The following KCNG2 variants were observed in gnomAD, a reference collection of about 807,000 sequenced individuals.
KCNG2 encodes the protein potassium voltage-gated channel modifier subfamily G member 2, also known as voltage-gated potassium channel regulatory subunit KCNG2.
Under a neutral mutation model 12.3 loss-of-function variants are expected in KCNG2, and 7 were observed. That is an observed-to-expected ratio of 0.57 (90% CI 0.32 to 1.07). The LOEUF (loss-of-function observed/expected upper bound fraction) is 1.07. Among genes scored for constraint, KCNG2 ranks in the 50% least tolerant of loss-of-function variants. The pLI, the probability that KCNG2 is intolerant of heterozygous loss-of-function variation, is 0.04. For missense variants in KCNG2, 703 were observed against 726.0 expected, an observed-to-expected ratio of 0.97 and a Z score of 0.36; for synonymous variants, 414 against 351.4, an observed-to-expected ratio of 1.18 and a Z score of -1.99.
At chr18:79,806,766 G>A (rs1280740770) in intron 1 of KCNG2, among the ~76,000 whole-genome samples, 1 of 152,070 alleles carries the variant, frequency 6.6e-6, no homozygotes, top group African/African-American at 2.4e-5. Flanking sequence ...TAATGGTGAC[G>A]CTTTCTCAAA....
At chr18:79,818,101 T>C (rs983454613) in intron 1 of KCNG2, among the ~76,000 whole-genome samples, 1 of 152,182 alleles carries the variant, frequency 6.6e-6, no homozygotes, top group East Asian at 1.9e-4. Context: ...GGCAGCACCT[T>C]CAGGCCAGGA....
At chr18:79,872,016 C>T (rs1258787228) in intron 3 of KCNG2, among the ~76,000 whole-genome samples, 1 of 149,770 alleles carries the variant, frequency 6.7e-6, no homozygotes, top group Non-Finnish European at 1.5e-5. Flanking sequence ...CGCTCCTGCA[C>T]GTGCGGCCGG....
intron 2 of KCNG2, among the ~76,000 whole-genome samples, chr18:79,862,934 TC>T (rs1183545702): frequency 2.0e-5 from 3 of 152,178 alleles, no homozygotes; most frequent in Non-Finnish European, 4.4e-5. Context: ...GCTGTTGCTG[TC>T]CCCGCAGAGC....
In KCNG2 at chr18:79,854,581, C is replaced by T. The variant is rs920994418; in HGVS notation, c.-114-1798C>T. Among the ~76,000 whole-genome samples the T allele has an allele frequency of 6.4e-5, 9 of 141,312 alleles. No individual in the cohort carries two copies. The South Asian group carries it at 2.0e-3, about 32-fold the overall frequency. The allele number at this position is 141,312 out of a possible 152,430, so 92.7% of individuals were successfully genotyped here. A position where few individuals can be genotyped will look rare whatever the true frequency, so the allele number is the denominator to read the frequency against. On this transcript the variant is annotated intron_variant, in intron 1 of 3. Transcript: ENST00000316249. Reference sequence around the variant, plus strand: ...TCGCTCTGTTGCCCAGGCTGGAGTGCGGTGGCGTGATCTTGGCTCACTGCA... The same window carrying T: ...TCGCTCTGTTGCCCAGGCTGGAGTGTGGTGGCGTGATCTTGGCTCACTGCA...
chr18:79,875,719 G>A (rs1980043397), intron 3 of KCNG2, among the ~76,000 whole-genome samples: 1 of 152,248 alleles, frequency 6.6e-6, no homozygotes, highest in Admixed American at 6.5e-5. Context: ...AGACTGTGGT[G>A]TTCACGGGGC....
rs12605567 is a variant in KCNG2, at chr18:79,895,999, T to C, written c.625-3041T>C. Among the ~76,000 whole-genome samples, 859 of 152,346 alleles carry C rather than the reference T, an allele frequency of 5.6e-3. 37 individuals are homozygous for C. The East Asian group carries it at 0.094, about 17-fold the overall frequency. On this transcript the variant is annotated intron_variant, in intron 3 of 3. Coordinates refer to ENST00000316249, the MANE Select transcript of KCNG2 (RefSeq NM_012283.2). ...ATTTTTTTTTGAGATGGAGTCTCAC[T>C]GTGTTGCCCAGGTTGGAGTGCAGTG...
At chr18:79,798,986 C>T (rs1389191075) in intron 1 of KCNG2, among the ~76,000 whole-genome samples, 5 of 152,238 alleles carry the variant, frequency 3.3e-5, no homozygotes, top group African/African-American at 1.2e-4. Context: ...GGGACCCCCT[C>T]TGTCACCTCC....
intron 3 of KCNG2, among the ~76,000 whole-genome samples, chr18:79,879,048 G>A (rs903663407): frequency 1.7e-4 from 26 of 152,360 alleles, no homozygotes; most frequent in African/African-American, 6.3e-4. Context: ...CTGGAGACCC[G>A]GATGTGGGGG....
At chr18:79,830,034 A>G (rs1419139329) in intron 1 of KCNG2, among the ~76,000 whole-genome samples, 2 of 152,172 alleles carry the variant, frequency 1.3e-5, no homozygotes, top group Non-Finnish European at 1.5e-5. Flanking sequence ...TCACGCTATG[A>G]TTAAATTGGT....
In KCNG2 at chr18:79,864,054, G is replaced by A. The variant is rs1026697344; in HGVS notation, c.387G>A (p.Glu129=). The change falls in exon 3 of 4, where the codon GAG becomes GAA. Residue 129 remains glutamate, a synonymous_variant. Coordinates refer to ENST00000316249, the MANE Select transcript of KCNG2 (RefSeq NM_012283.2). ...CLRRLRRREE[E]AAEARAGPTE... ...GCCGCCTGCGCCGCCGCGAGGAGGA[G>A]GCGGCCGAGGCCCGCGCGGGGCCGA... The A allele has an allele frequency of 4.5e-6, 5 of 1,111,398 alleles. No homozygotes were observed. The African/African-American group carries it at 5.1e-5, about 11-fold the overall frequency. 68.8% of individuals were successfully genotyped at this position (1,111,398 alleles called of 1,614,324 possible). A position where few individuals can be genotyped will look rare whatever the true frequency, so the allele number is the denominator to read the frequency against.
intron 3 of KCNG2, among the ~76,000 whole-genome samples, chr18:79,888,177 C>T (rs909646611): frequency 6.6e-6 from 1 of 150,926 alleles, no homozygotes; most frequent in Non-Finnish European, 1.5e-5. Context: ...GTGGAGGAGG[C>T]CATGGGGAGC....
intron 3 of KCNG2, among the ~76,000 whole-genome samples, chr18:79,885,367 A>G (rs1389267627): frequency 6.6e-6 from 1 of 152,220 alleles, no homozygotes; most frequent in Admixed American, 6.5e-5. Context: ...CTGATCAATC[A>G]GGGTCTGTTT....
chr18:79,865,501 GTGCTGAGAGGTCTGGGTGCTGAGGTCTGT>G, intron 3 of KCNG2, among the ~76,000 whole-genome samples: 4 of 83,738 alleles, frequency 4.8e-5, no homozygotes, highest in South Asian at 6.1e-4. Flanking sequence ...AGAGGTCTGA[GTGCTGAGAGGTCTGGGTGCTGAGGTCTGT>G]GTGCTGAGAG....
intron 1 of KCNG2, among the ~76,000 whole-genome samples, chr18:79,809,675 G>A (rs1053569188): frequency 6.6e-6 from 1 of 152,222 alleles, no homozygotes; most frequent in Non-Finnish European, 1.5e-5. Flanking sequence ...CGGGTGCCCA[G>A]CGCACCTGCC....
At chr18:79,798,212 G>T (rs1568238635) in intron 1 of KCNG2, among the ~76,000 whole-genome samples, 198 bp downstream of exon 1, 2 of 151,762 alleles carry the variant, frequency 1.3e-5, no homozygotes, top group South Asian at 2.1e-4. Context: ...CCAAGGGGGC[G>T]GGGGCGGCTC....
At chr18:79,863,072 AG>A (rs1236726825) in intron 2 of KCNG2, among the ~76,000 whole-genome samples, 1 of 152,200 alleles carries the variant, frequency 6.6e-6, no homozygotes, top group Non-Finnish European at 1.5e-5. Context: ...AGTTTTCACC[AG>A]GTTTTCCATT....
chr18:79,882,496 G>C (rs1980336510), intron 3 of KCNG2, among the ~76,000 whole-genome samples: 1 of 152,240 alleles, frequency 6.6e-6, no homozygotes, highest in Admixed American at 6.5e-5. Flanking sequence ...TCAACTGTAA[G>C]AAAATAACCT....
At chr18:79,860,403 A>G (rs200576732) in intron 2 of KCNG2, among the ~76,000 whole-genome samples, 1 of 152,256 alleles carries the variant, frequency 6.6e-6, no homozygotes, top group Non-Finnish European at 1.5e-5. Context: ...CTTCCAATAC[A>G]TGAGCATGGA....
Position 79,899,789 on chromosome 18 carries a change from T to G in KCNG2, c.1374T>G (p.Asp458Glu). 1 of 1,451,648 alleles carries G rather than the reference T, an allele frequency of 6.9e-7. No individual in the cohort carries two copies. Among genetic ancestry groups the G allele is most frequent in the Non-Finnish European group, 9.0e-7 (1 of 1,111,008 alleles). The allele number at this position is 1,451,648 out of a possible 1,614,324, so 89.9% of individuals were successfully genotyped here. Residue 458 changes from aspartate to glutamate, a missense_variant, in exon 4 of 4, where the codon GAT becomes GAG. Physicochemically the swap from Asp to Glu is conservative, Grantham distance 45 (BLOSUM62 2). Coordinates refer to ENST00000316249, the MANE Select transcript of KCNG2 (RefSeq NM_012283.2). ...CGGGCCTGGCCGACGACTCCGCGGA[T>G]GCGCTGTGGGTGCGGGCAGGGCGCT... is the stretch of plus-strand genomic sequence containing the variant. Reference protein sequence around the residue: ...DSAGLADDSADALWVRAGR With the variant: ...DSAGLADDSAEALWVRAGR
Sources: gnomAD v4.1 joint callset for allele counts (sites outside exome capture counted in the v4.1 genomes callset) on GRCh38, gnomAD v4.1.1 for gene constraint, MANE v1.5 for transcripts, NCBI Gene and HGNC (gene_info 2026-07-23, HGNC 2026-07-21) for gene names.